The following NBEA variants were observed in gnomAD, a reference collection of about 807,000 sequenced individuals.
NBEA encodes neurobeachin, also known as lysosomal-trafficking regulator 2.
In NBEA, 44 loss-of-function variants were observed where a neutral mutation model predicts 343.4. That is an observed-to-expected ratio of 0.13 (90% CI 0.10 to 0.16). NBEA has a LOEUF of 0.16. Ranked by LOEUF, NBEA falls within the 10% of genes least tolerant of loss-of-function variation. The pLI is 1.00. For missense variants in NBEA, 2,555 were observed against 3,631.3 expected, an observed-to-expected ratio of 0.70 and a Z score of 7.62; for synonymous variants, 1,175 against 1,238.7, an observed-to-expected ratio of 0.95 and a Z score of 1.08.
chr13:35,208,783 T>G lies in NBEA; in HGVS notation c.5450T>G (p.Leu1817Arg), dbSNP rs778717660. The G allele has an allele frequency of 6.2e-7, 1 of 1,611,126 alleles. No homozygotes were observed. The highest frequency in any genetic ancestry group is 8.5e-7 in the Non-Finnish European group (1 of 1,178,352). Reference sequence around the variant, plus strand: ...GGAGCCACTACTGCTGGAAGTGGGCTGCCAACAGGCAGTACCTCTAATATA... The same window carrying G: ...GGAGCCACTACTGCTGGAAGTGGGCGGCCAACAGGCAGTACCTCTAATATA... Reference protein sequence around the residue: ...TVGATTAGSGLPTGSTSNIFA... With the variant: ...TVGATTAGSGRPTGSTSNIFA... The change falls in exon 32 of 59, where the codon CTG becomes CGG. Residue 1817 changes from leucine to arginine, a missense_variant. Coordinates refer to ENST00000379939, the MANE Select transcript of NBEA (RefSeq NM_001385012.1).
chr13:35,203,556 G>A lies in NBEA; in HGVS notation c.5367-5144G>A, dbSNP rs75854662. On this transcript the variant is annotated intron_variant, in intron 31 of 58. Coordinates refer to ENST00000379939, the MANE Select transcript of NBEA (RefSeq NM_001385012.1). ...GTATTGAAATGTCAGTTCCATGAGAGCAGGGATTTTATTCTATATATTGCT... is the reference window on the plus strand; with the variant it reads ...GTATTGAAATGTCAGTTCCATGAGAACAGGGATTTTATTCTATATATTGCT... Among the ~76,000 whole-genome samples the A allele has an allele frequency of 3.5e-3, 526 of 152,254 alleles. 2 individuals carry two copies. The highest frequency in any genetic ancestry group is 0.011 in the African/African-American group (474 of 41,558).
At chr13:35,575,913 A>G (rs939138124) in intron 45 of NBEA, among the ~76,000 whole-genome samples, 3 of 152,078 alleles carry the variant, frequency 2.0e-5, no homozygotes, top group African/African-American at 7.2e-5. Context: ...TGACTCATTT[A>G]AGAGAGCATG....
chr13:35,220,578 T>A lies in NBEA; in HGVS notation c.5648+9399T>A, dbSNP rs73491651. ...TTCTGTGTTTTATTTATTTATTTTA[T>A]AGGTTAATTCCTAGTCATATTGTTT... On this transcript the variant is annotated intron_variant, in intron 33 of 58. Coordinates refer to ENST00000379939, the MANE Select transcript of NBEA (RefSeq NM_001385012.1). 6.4e-3 allele frequency among the ~76,000 whole-genome samples: 978 copies of A among 152,306 alleles called. 11 individuals carry two copies. The highest frequency in any genetic ancestry group is 0.023 in the African/African-American group (937 of 41,584).
chr13:35,215,046 C>T (rs2073990639), intron 33 of NBEA, among the ~76,000 whole-genome samples: 1 of 151,474 alleles, frequency 6.6e-6, no homozygotes, highest in South Asian at 2.1e-4. Context: ...CTTCCTGTAT[C>T]GTAGCTTTAT....
intron 41 of NBEA, among the ~76,000 whole-genome samples, chr13:35,534,195 A>T (rs1369053637): frequency 1.3e-5 from 2 of 152,162 alleles, no homozygotes; most frequent in African/African-American, 4.8e-5. Flanking sequence ...AAACCTAGGA[A>T]ATGGCAGAAA....
chr13:35,466,506 G>A (rs977075183), intron 40 of NBEA, among the ~76,000 whole-genome samples: 14 of 152,098 alleles, frequency 9.2e-5, no homozygotes, highest in Admixed American at 6.5e-4. Flanking sequence ...TGCAAAAAAA[G>A]TTCAGGGCTG....
rs7999798 is a variant in NBEA, at chr13:35,241,436, T to C, written c.5776+8817T>C. ...CAAACAAAAGACACTACCACTGTGG[T>C]TGAAAATCAAATATCAAATGTTTCA... On this transcript the variant is annotated intron_variant, in intron 34 of 58. Transcript: ENST00000379939. Among the ~76,000 whole-genome samples the C allele has an allele frequency of 4.8e-3, 732 of 151,868 alleles. 2 individuals are homozygous for C. The highest frequency in any genetic ancestry group is 6.8e-3 in the Non-Finnish European group (459 of 67,762).
chr13:35,448,128 T>TA (rs1412866040), intron 39 of NBEA, among the ~76,000 whole-genome samples: 1 of 152,188 alleles, frequency 6.6e-6, no homozygotes, highest in Non-Finnish European at 1.5e-5. Flanking sequence ...AGTGTGTTGA[T>TA]ATGGATTAGT....
intron 44 of NBEA, among the ~76,000 whole-genome samples, chr13:35,559,193 G>A (rs1338894146): frequency 2.0e-5 from 3 of 152,160 alleles, no homozygotes; most frequent in Non-Finnish European, 4.4e-5. Flanking sequence ...TGTTAGGGCA[G>A]CAATTAGATT....
rs544618853 is a variant in NBEA, at chr13:35,297,197, T to A, written c.5838+6747T>A. ...AGTATTAATGAAACCAACATGGTTGTTCCTGTACCTCATATCTTCCCAATT... is the reference window on the plus strand; with the variant it reads ...AGTATTAATGAAACCAACATGGTTGATCCTGTACCTCATATCTTCCCAATT... On this transcript the variant is annotated intron_variant, in intron 35 of 58. Coordinates refer to ENST00000379939, the MANE Select transcript of NBEA (RefSeq NM_001385012.1). Among the ~76,000 whole-genome samples, 13 of 152,226 alleles carry A rather than the reference T, an allele frequency of 8.5e-5. 1 individual carries two copies. The highest frequency in any genetic ancestry group is 3.9e-4 in the East Asian group (2 of 5,192).
intron 34 of NBEA, chr13:35,251,571 G>C: frequency 8.3e-7 from 1 of 1,202,860 alleles, no homozygotes; most frequent in Non-Finnish European, 1.1e-6. Context: ...TCAGGAAGGC[G>C]TTCACAGAAG....
intron 10 of NBEA, among the ~76,000 whole-genome samples, chr13:35,079,526 T>C (rs909221150): frequency 8.5e-5 from 13 of 152,168 alleles, no homozygotes; most frequent in Non-Finnish European, 1.9e-4. Context: ...CATTTAAAAC[T>C]AAATGGTAAA....
intron 38 of NBEA, among the ~76,000 whole-genome samples, chr13:35,404,458 A>G (rs1254598356): frequency 6.6e-6 from 1 of 151,618 alleles, no homozygotes; most frequent in Non-Finnish European, 1.5e-5. Flanking sequence ...TTGTAGGGAC[A>G]TGGATGAAAT....
At chr13:35,063,487 A>T (rs150568501) in intron 8 of NBEA, among the ~76,000 whole-genome samples, 1 of 152,178 alleles carries the variant, frequency 6.6e-6, no homozygotes, top group East Asian at 1.9e-4. Flanking sequence ...CTTACTTCAC[A>T]GATTAAAGAA....
chr13:35,537,537 T>C (rs1029206211), intron 41 of NBEA, among the ~76,000 whole-genome samples: 3 of 152,182 alleles, frequency 2.0e-5, no homozygotes, highest in African/African-American at 7.2e-5. Context: ...ACAATGAATT[T>C]GCAAAATTAC....
chr13:34,954,093 G>A (rs1342879898), intron 1 of NBEA, among the ~76,000 whole-genome samples: 1 of 152,152 alleles, frequency 6.6e-6, no homozygotes, highest in East Asian at 1.9e-4. Flanking sequence ...CTGCCCTAAA[G>A]AATATAGTAT....
intron 44 of NBEA, among the ~76,000 whole-genome samples, chr13:35,562,402 A>C (rs1252619179): frequency 2.0e-5 from 3 of 152,094 alleles, no homozygotes; most frequent in Non-Finnish European, 4.4e-5. Flanking sequence ...TAAAGCCTGT[A>C]ATTCTTGCAT....
At chr13:35,614,967 A>T (rs957666558) in intron 48 of NBEA, among the ~76,000 whole-genome samples, 2 of 151,952 alleles carry the variant, frequency 1.3e-5, no homozygotes, top group African/African-American at 4.8e-5. Flanking sequence ...ATGCCATTTG[A>T]GTGTGTATTC....
intron 53 of NBEA, among the ~76,000 whole-genome samples, chr13:35,652,628 G>A (rs1185169769): frequency 1.4e-4 from 19 of 135,718 alleles, no homozygotes; most frequent in African/African-American, 2.4e-4. Flanking sequence ...GTGACAGAGC[G>A]AGACTCCATC....
Sources: allele counts gnomAD v4.1 joint callset (sites outside exome capture counted in the v4.1 genomes callset), GRCh38; gene constraint gnomAD v4.1.1; transcripts MANE v1.5; gene names NCBI Gene and HGNC (gene_info 2026-07-23, HGNC 2026-07-21).